The following GOPC variants were observed in gnomAD, a reference collection of about 807,000 sequenced individuals.
GOPC encodes the protein golgi associated PDZ and coiled-coil motif containing, also known as Golgi-associated PDZ and coiled-coil motif-containing protein.
Under a neutral mutation model 51.2 loss-of-function variants are expected in GOPC, and 32 were observed. The ratio of observed to expected loss-of-function variants is 0.63; its 90% CI spans 0.47 to 0.84. The LOEUF (loss-of-function observed/expected upper bound fraction) is 0.84, where lower values mean the gene tolerates loss of function less well. Ranked by LOEUF, GOPC falls within the 40% of genes least tolerant of loss-of-function variation. GOPC has a pLI of 0.00. For missense variants in GOPC, 441 were observed against 555.5 expected (o/e 0.79, Z 2.07); for synonymous variants, 190 against 205.1 (o/e 0.93, Z 0.63).
At position 117,562,398 on chromosome 6, in the gene GOPC, A is replaced by C. The variant is rs1040811607; in HGVS notation, c.*856T>G. 5.0e-6 allele frequency: 1 copy of C among 199,502 alleles called. No homozygotes were observed. The highest frequency in any genetic ancestry group is 1.0e-5 in the Non-Finnish European group (1 of 96,686). 12.4% of individuals were successfully genotyped at this position (199,502 alleles called of 1,614,324 possible). A position where few individuals can be genotyped will look rare whatever the true frequency, so the allele number is the denominator to read the frequency against. On this transcript the variant is annotated 3_prime_UTR_variant, in exon 9 of 9. Transcript: ENST00000368498. ...TTTGTCTTTAAGTGCCAGGACTATCACAAGACAAACTTTATGAACAACTCA... is the reference window on the plus strand; with the variant it reads ...TTTGTCTTTAAGTGCCAGGACTATCCCAAGACAAACTTTATGAACAACTCA...
chr6:117,599,174 TTTC>T (rs1251568922), intron 1 of GOPC, among the ~76,000 whole-genome samples: 1 of 152,164 alleles, frequency 6.6e-6, no homozygotes, highest in African/African-American at 2.4e-5. Context: ...GAGGTATCTG[TTTC>T]TTCATTATAT....
At chr6:117,589,682 T>C (rs560782389) in intron 1 of GOPC, among the ~76,000 whole-genome samples, 1 of 152,032 alleles carries the variant, frequency 6.6e-6, no homozygotes, top group African/African-American at 2.4e-5. Context: ...ATGAACTGAG[T>C]TGGGGGATGT....
At position 117,574,259 on chromosome 6, in the gene GOPC, T is replaced by A. The variant is rs536727356; in HGVS notation, c.651-627A>T. Among the ~76,000 whole-genome samples, 611 of 140,516 alleles carry A rather than the reference T, an allele frequency of 4.3e-3. 5 individuals carry two copies. Among genetic ancestry groups the A allele is most frequent in the Middle Eastern group, 0.011 (3 of 280 alleles). 92.2% of individuals were successfully genotyped at this position (140,516 alleles called of 152,430 possible). A position where few individuals can be genotyped will look rare whatever the true frequency, so the allele number is the denominator to read the frequency against. On this transcript the variant is annotated intron_variant, in intron 4 of 8. Transcript: ENST00000368498. ...GAGTGAGACCCCATCTCACAAAATT[T>A]AAAAAAAAAAAAAAGTTACTAGAAA...
intron 1 of GOPC, among the ~76,000 whole-genome samples, chr6:117,586,475 C>CT (rs869148559): frequency 0.18 from 16,036 of 91,596 alleles, 1,925 homozygotes; most frequent in Non-Finnish European, 0.21. Flanking sequence ...CACAGAGATT[C>CT]TTTTTTTTTT....
chr6:117,579,122 AT>A, intron 1 of GOPC, 58 bp from the exon 2 acceptor site: 1 of 1,350,260 alleles, frequency 7.4e-7, no homozygotes, highest in African/African-American at 1.5e-5. Flanking sequence ...CTTTTGACTA[AT>A]AATTGTTATT....
At chr6:117,580,870 G>A (rs1433020410) in intron 1 of GOPC, among the ~76,000 whole-genome samples, 2 of 152,084 alleles carry the variant, frequency 1.3e-5, no homozygotes, top group Non-Finnish European at 2.9e-5. Context: ...TTACAATGCT[G>A]AAAAGAAATC....
chr6:117,584,531 G>C (rs936734208), intron 1 of GOPC, among the ~76,000 whole-genome samples: 2 of 152,106 alleles, frequency 1.3e-5, no homozygotes, highest in African/African-American at 4.8e-5. Context: ...ATAAAGAGAT[G>C]CACAGAATAA....
chr6:117,569,879 G>A (rs750966537), intron 6 of GOPC, 143 bp from the exon 7 acceptor site: 33 of 912,120 alleles, frequency 3.6e-5, no homozygotes, highest in Admixed American at 8.3e-5. Flanking sequence ...AATTTTATTT[G>A]CTACTTAAGT....
chr6:117,597,885 C>T (rs1162141633), intron 1 of GOPC, among the ~76,000 whole-genome samples: 1 of 148,592 alleles, frequency 6.7e-6, no homozygotes, highest in Non-Finnish European at 1.5e-5. Context: ...ATTTCCACAA[C>T]AGATGAAAAG....
At position 117,573,457 on chromosome 6, in the gene GOPC, G is replaced by A; in HGVS notation, c.816+10C>T. ...AGGCTGGGTGGGAAGCAGCAGCAAA[G>A]CAAACATACATGGCCTGGTGGTGCT... is the stretch of plus-strand genomic sequence containing the variant. On this transcript the variant is annotated intron_variant, in intron 5 of 8. Coordinates refer to ENST00000368498, the MANE Select transcript of GOPC (RefSeq NM_020399.4). 3 of 1,608,176 alleles carry A rather than the reference G, an allele frequency of 1.9e-6. No homozygotes were observed. The highest frequency in any genetic ancestry group is 2.5e-6 in the Non-Finnish European group (3 of 1,176,854).
chr6:117,583,652 A>G (rs1779991419), intron 1 of GOPC, among the ~76,000 whole-genome samples: 1 of 152,166 alleles, frequency 6.6e-6, no homozygotes, highest in Non-Finnish European at 1.5e-5. Flanking sequence ...GTGGCTTTAA[A>G]AATGTACCTT....
intron 1 of GOPC, among the ~76,000 whole-genome samples, chr6:117,585,577 C>T (rs1276998455): frequency 6.6e-6 from 1 of 152,168 alleles, no homozygotes; most frequent in African/African-American, 2.4e-5. Flanking sequence ...CCCCAAATTA[C>T]AAATTGCATG....
rs763110525 is a variant in GOPC, at chr6:117,602,294, C to T, written c.-6G>A. 1.5e-5 allele frequency: 24 copies of T among 1,582,488 alleles called. No individual in the cohort carries two copies. The highest frequency in any genetic ancestry group is 5.2e-5 in the Admixed American group (3 of 57,672). ...CATGGACCGCCCGCCGACATGGCGCCGTCAAGGGCCTCTCCCGACTGCTGA... is the reference window on the plus strand; with the variant it reads ...CATGGACCGCCCGCCGACATGGCGCTGTCAAGGGCCTCTCCCGACTGCTGA... On this transcript the variant is annotated 5_prime_UTR_variant, in exon 1 of 9. Transcript: ENST00000368498.
At chr6:117,594,028 G>A (rs142547517) in intron 1 of GOPC, among the ~76,000 whole-genome samples, 4 of 152,252 alleles carry the variant, frequency 2.6e-5, no homozygotes, top group South Asian at 2.1e-4. Context: ...ACCATAGTCA[G>A]AGTGAACTAT....
chr6:117,599,168 T>C (rs1252620096), intron 1 of GOPC, among the ~76,000 whole-genome samples: 1 of 152,154 alleles, frequency 6.6e-6, no homozygotes, highest in Non-Finnish European at 1.5e-5. Context: ...AAATTGGAGG[T>C]ATCTGTTTCT....
At chr6:117,591,147 C>T (rs1248662676) in intron 1 of GOPC, among the ~76,000 whole-genome samples, 1 of 152,190 alleles carries the variant, frequency 6.6e-6, no homozygotes. Context: ...CCACCACACC[C>T]GGCCCCAAAT....
In GOPC at chr6:117,569,751, GGGC is replaced by G; in HGVS notation, c.913-18_913-16del. The G allele has an allele frequency of 6.4e-7, 1 of 1,560,744 alleles. No homozygotes were observed. Among genetic ancestry groups the G allele is most frequent in the Non-Finnish European group, 8.6e-7 (1 of 1,159,378 alleles). ...TCTTTCCCACCCTAACAACAACAAAGGGCAGTAAATTAAAGTACTCTTTGTAAG... is the reference window on the plus strand; with the variant it reads ...TCTTTCCCACCCTAACAACAACAAAGAGTAAATTAAAGTACTCTTTGTAAG... On this transcript the variant is annotated splice_polypyrimidine_tract_variant and intron_variant, in intron 6 of 8. Transcript: ENST00000368498.
chr6:117,576,895 T>C (rs1779889827), intron 3 of GOPC, among the ~76,000 whole-genome samples: 1 of 152,114 alleles, frequency 6.6e-6, no homozygotes, highest in Non-Finnish European at 1.5e-5. Flanking sequence ...AATTGGAACT[T>C]GATTAGGTTG....
intron 1 of GOPC, among the ~76,000 whole-genome samples, chr6:117,585,554 A>G (rs1219651564): frequency 6.6e-6 from 1 of 152,216 alleles, no homozygotes; most frequent in African/African-American, 2.4e-5. Flanking sequence ...GACCTAAGAG[A>G]TTATGTGAGA....
Sources: gnomAD v4.1 joint callset for allele counts (sites outside exome capture counted in the v4.1 genomes callset) on GRCh38, gnomAD v4.1.1 for gene constraint, MANE v1.5 for transcripts, NCBI Gene and HGNC (gene_info 2026-07-23, HGNC 2026-07-21) for gene names.